The following NEGR1 variants were observed in gnomAD, a reference collection of about 807,000 sequenced individuals.
NEGR1 encodes the protein IgLON family member 4.
A neutral mutation model predicts 40.9 loss-of-function variants in NEGR1; 10 were observed. The ratio of observed to expected loss-of-function variants is 0.24; its 90% CI spans 0.15 to 0.42. NEGR1 has a LOEUF of 0.42. Among genes scored for constraint, NEGR1 ranks in the 10% least tolerant of loss-of-function variants. The pLI, the probability that NEGR1 is intolerant of heterozygous loss-of-function variation, is 1.00. For missense variants in NEGR1, 352 were observed against 438.9 expected, an observed-to-expected ratio of 0.80 and a Z score of 1.77; for synonymous variants, 185 against 166.8, an observed-to-expected ratio of 1.11 and a Z score of -0.84.
chr1:72,155,374 C>T (rs542246820), intron 1 of NEGR1, among the ~76,000 whole-genome samples: 2 of 151,968 alleles, frequency 1.3e-5, no homozygotes, highest in Non-Finnish European at 2.9e-5. Context: ...GTAGCCAAAT[C>T]ATATAACCTA....
At chr1:71,783,876 A>ATCCATCCG (rs34429157) in intron 2 of NEGR1, among the ~76,000 whole-genome samples, 2,103 of 144,676 alleles carry the variant, frequency 0.015, 211 homozygotes, top group East Asian at 0.036. Context: ...CCATCCATCC[A>ATCCATCCG]ATAGACATTT....
intron 6 of NEGR1, among the ~76,000 whole-genome samples, chr1:71,555,824 T>C (rs1268775602): frequency 6.6e-6 from 1 of 151,562 alleles, no homozygotes; most frequent in Non-Finnish European, 1.5e-5. Context: ...TCCTTCACTC[T>C]CACTGAAGTC....
intron 6 of NEGR1, among the ~76,000 whole-genome samples, chr1:71,473,483 A>C (rs1021224168): frequency 4.6e-5 from 7 of 152,144 alleles, no homozygotes; most frequent in Non-Finnish European, 1.0e-4. Flanking sequence ...AAGAGTTAAC[A>C]CTATACCTGC....
intron 2 of NEGR1, among the ~76,000 whole-genome samples, chr1:71,860,345 T>C (rs1024922198): frequency 6.6e-6 from 1 of 152,034 alleles, no homozygotes; most frequent in African/African-American, 2.4e-5. Context: ...GCCATACTTT[T>C]TATTACTATC....
intron 5 of NEGR1, among the ~76,000 whole-genome samples, chr1:71,602,133 C>G (rs1649940804): frequency 1.3e-5 from 2 of 151,892 alleles, no homozygotes; most frequent in East Asian, 3.9e-4. Flanking sequence ...CTAGCCCTAA[C>G]TCCTGTTATA....
At chr1:72,216,625 TTAAAA>T (rs1471243760) in intron 1 of NEGR1, among the ~76,000 whole-genome samples, 5 of 150,982 alleles carry the variant, frequency 3.3e-5, no homozygotes, top group South Asian at 4.1e-4. Flanking sequence ...AAACATAAAG[TTAAAA>T]TAAAGTTCAA....
intron 6 of NEGR1, among the ~76,000 whole-genome samples, chr1:71,564,948 T>C (rs1411104325): frequency 6.6e-6 from 1 of 152,146 alleles, no homozygotes; most frequent in Admixed American, 6.6e-5. Context: ...CCTTTTCTAC[T>C]ATGTATCATA....
chr1:71,831,556 G>A (rs577289700), intron 2 of NEGR1, among the ~76,000 whole-genome samples: 86 of 151,966 alleles, frequency 5.7e-4, no homozygotes, highest in African/African-American at 1.9e-3. Context: ...TTATAAGATC[G>A]GGCATGAAAA....
At chr1:71,971,472 G>A (rs1161038498) in intron 1 of NEGR1, among the ~76,000 whole-genome samples, 1 of 152,044 alleles carries the variant, frequency 6.6e-6, no homozygotes, top group South Asian at 2.1e-4. Context: ...GGGTTGTCAC[G>A]TGAATTACAT....
At chr1:71,451,741 C>T (rs554501103) in intron 6 of NEGR1, among the ~76,000 whole-genome samples, 1 of 152,230 alleles carries the variant, frequency 6.6e-6, no homozygotes, top group African/African-American at 2.4e-5. Flanking sequence ...ATTATGCTAC[C>T]AGTTTTATAA....
chr1:71,694,629 A>C (rs977347979), intron 4 of NEGR1, among the ~76,000 whole-genome samples: 1 of 151,786 alleles, frequency 6.6e-6, no homozygotes, highest in South Asian at 2.1e-4. Context: ...GTATGATGTT[A>C]TTTATTGTAT....
chr1:71,912,705 G>A (rs1045803506), intron 2 of NEGR1, among the ~76,000 whole-genome samples: 1 of 151,962 alleles, frequency 6.6e-6, no homozygotes, highest in Non-Finnish European at 1.5e-5. Flanking sequence ...TACATTTGAA[G>A]CAATATAAGA....
chr1:71,545,431 CAA>C (rs932073482), intron 6 of NEGR1, among the ~76,000 whole-genome samples: 2 of 151,636 alleles, frequency 1.3e-5, no homozygotes, highest in Admixed American at 6.6e-5. Flanking sequence ...CTTTGGAAGC[CAA>C]TGCCCTTTGC....
At chr1:72,009,548 A>C (rs570726135) in intron 1 of NEGR1, among the ~76,000 whole-genome samples, 1 of 152,214 alleles carries the variant, frequency 6.6e-6, no homozygotes, top group East Asian at 1.9e-4. Flanking sequence ...TCTTTGGACA[A>C]AGCAGTCTTC....
At chr1:71,416,850 T>G (rs1032611690) in intron 6 of NEGR1, among the ~76,000 whole-genome samples, 1 of 152,216 alleles carries the variant, frequency 6.6e-6, no homozygotes, top group African/African-American at 2.4e-5. Context: ...TATGTCTGTA[T>G]GTGTTGAAAC....
intron 2 of NEGR1, among the ~76,000 whole-genome samples, chr1:71,813,047 G>C (rs556245137): frequency 6.6e-6 from 1 of 151,988 alleles, no homozygotes; most frequent in Non-Finnish European, 1.5e-5. Context: ...TTTACTTCTA[G>C]GATTTTTACA....
At chr1:71,503,937 A>G (rs922503899) in intron 6 of NEGR1, among the ~76,000 whole-genome samples, 2 of 151,272 alleles carry the variant, frequency 1.3e-5, no homozygotes, top group Non-Finnish European at 2.9e-5. Context: ...CCTGAATGGG[A>G]TAATAGTGAT....
intron 3 of NEGR1, among the ~76,000 whole-genome samples, chr1:71,768,689 A>C (rs1570320455): frequency 6.6e-6 from 1 of 152,186 alleles, no homozygotes; most frequent in East Asian, 1.9e-4. Context: ...AGGACATGAG[A>C]TTTTTAGGAG....
intron 4 of NEGR1, among the ~76,000 whole-genome samples, chr1:71,656,579 A>C (rs1162199310): frequency 6.6e-6 from 1 of 151,882 alleles, no homozygotes; most frequent in Non-Finnish European, 1.5e-5. Flanking sequence ...TGCCCGTCTA[A>C]TTTTTTGTAT....
Sources: allele counts gnomAD v4.1 joint callset (sites outside exome capture counted in the v4.1 genomes callset), GRCh38; gene constraint gnomAD v4.1.1; transcripts MANE v1.5; gene names NCBI Gene and HGNC (gene_info 2026-07-23, HGNC 2026-07-21).